The following ABCC1 variants were observed in gnomAD, a reference collection of about 807,000 sequenced individuals.
The protein encoded by ABCC1 is multidrug resistance-associated protein 1.
ABCC1 carries 83 observed loss-of-function variants against 172.9 expected under a neutral mutation model. The observed-to-expected ratio is 0.48, with a 90% CI of 0.40 to 0.58. The LOEUF (loss-of-function observed/expected upper bound fraction) is 0.58, where lower values mean the gene tolerates loss of function less well. ABCC1 is among the 20% of genes least tolerant of loss of function. The pLI, the probability that ABCC1 is intolerant of heterozygous loss-of-function variation, is 0.00. For synonymous variants in ABCC1, 937 were observed against 825.2 expected, an observed-to-expected ratio of 1.14 and a Z score of -2.32; for missense variants, 1,817 against 2,002.7, an observed-to-expected ratio of 0.91 and a Z score of 1.77.
Position 16,090,450 on chromosome 16 carries a change from G to T in ABCC1, c.2506G>T (p.Asp836Tyr). ...CAGCATGAGCTACTTGCCGCAGGTG[G>T]ACGTCATCATCGTCATGAGTGGCGG... is the stretch of plus-strand genomic sequence containing the variant. Reference protein sequence around the residue: ...THSMSYLPQVDVIIVMSGGKI... With the variant: ...THSMSYLPQVYVIIVMSGGKI... Residue 836 changes from aspartate to tyrosine, a missense_variant, in exon 19 of 31, where the codon GAC becomes TAC. Physicochemically the swap from Asp to Tyr is radical, Grantham distance 160 (BLOSUM62 -3). Around this residue, in one of 3 missense-constraint regions of ABCC1, gnomAD observed 1,412 missense variants for 1,600.3 expected, o/e 0.88. Transcript: ENST00000399410. 6.2e-7 allele frequency: 1 copy of T among 1,613,488 alleles called. No homozygotes were observed. Among genetic ancestry groups the T allele is most frequent in the Non-Finnish European group, 8.5e-7 (1 of 1,179,736 alleles).
At chr16:15,951,693 T>G (rs2045877491) in intron 1 of ABCC1, among the ~76,000 whole-genome samples, 2 of 151,634 alleles carry the variant, frequency 1.3e-5, no homozygotes, top group African/African-American at 4.9e-5. Flanking sequence ...TCTTTTTTTT[T>G]TCTTTTTCTT....
intron 1 of ABCC1, among the ~76,000 whole-genome samples, chr16:15,959,430 A>G (rs528407035): frequency 3.3e-5 from 5 of 152,022 alleles, no homozygotes; most frequent in Admixed American, 1.3e-4. Context: ...GGCTGAAGCT[A>G]TCTTCCCACC....
chr16:15,966,557 C>T (rs528898169), intron 1 of ABCC1, among the ~76,000 whole-genome samples: 8 of 151,950 alleles, frequency 5.3e-5, no homozygotes, highest in African/African-American at 1.9e-4. Context: ...TCTGCGAGCC[C>T]TTTGATAAGG....
chr16:16,045,428 C>CAACAACA (rs2049165520), intron 8 of ABCC1, among the ~76,000 whole-genome samples: 1 of 124,958 alleles, frequency 8.0e-6, no homozygotes, highest in Non-Finnish European at 1.7e-5. Context: ...AGAATAAAAA[C>CAACAACA]AACAACAAAA....
intron 14 of ABCC1, among the ~76,000 whole-genome samples, chr16:16,073,924 C>T (rs1389798757): frequency 6.6e-6 from 1 of 152,202 alleles, no homozygotes; most frequent in Non-Finnish European, 1.5e-5. Context: ...CTGTGTCTGG[C>T]ACCTCGCAGG....
At chr16:16,072,341 C>T (rs1009639394) in intron 14 of ABCC1, among the ~76,000 whole-genome samples, 1 of 151,914 alleles carries the variant, frequency 6.6e-6, no homozygotes, top group Admixed American at 6.6e-5. Flanking sequence ...CAGCACCATA[C>T]TTGGATAATA....
intron 1 of ABCC1, among the ~76,000 whole-genome samples, chr16:15,950,329 C>T (rs117656972): frequency 0.013 from 2,035 of 152,070 alleles, 26 homozygotes; most frequent in Admixed American, 0.024. Flanking sequence ...CTGTGGTTAC[C>T]TAGCTTTGTT....
chr16:16,075,964 C>T (rs2050546448), intron 14 of ABCC1, among the ~76,000 whole-genome samples: 1 of 152,134 alleles, frequency 6.6e-6, no homozygotes, highest in African/African-American at 2.4e-5. Flanking sequence ...TCGGCCCTCC[C>T]AGCTGGAGCT....
Position 16,122,064 on chromosome 16 carries a change from G to A in ABCC1, c.3480G>A (p.Leu1160=), listed in dbSNP as rs759641637. The A allele has an allele frequency of 6.2e-7, 1 of 1,614,204 alleles. No individual in the cohort carries two copies. Among genetic ancestry groups the A allele is most frequent in the Non-Finnish European group, 8.5e-7 (1 of 1,180,040 alleles). The part of the protein sequence containing the change: ...PVYSHFNETL[L]GVSVIRAFEE... ...ATTCCCATTTCAACGAGACCTTGCT[G>A]GGGGTCAGCGTCATTCGAGCCTTCG... The change falls in exon 24 of 31, where the codon CTG becomes CTA. Residue 1160 remains leucine (L), a synonymous_variant. Coordinates refer to ENST00000399410, the MANE Select transcript of ABCC1 (RefSeq NM_004996.4).
At chr16:16,109,667 A>C (rs1254768717) in intron 21 of ABCC1, among the ~76,000 whole-genome samples, 1 of 152,196 alleles carries the variant, frequency 6.6e-6, no homozygotes, top group Non-Finnish European at 1.5e-5. Context: ...GCTGGGCTCC[A>C]CAGGGAATAT....
At chr16:16,057,199 GAAAGA>G (rs1295005532) in intron 12 of ABCC1, among the ~76,000 whole-genome samples, 3 of 87,076 alleles carry the variant, frequency 3.4e-5, no homozygotes, top group African/African-American at 5.0e-5. Context: ...AAAAAAAAAA[GAAAGA>G]AAAAAAAAGC....
chr16:16,124,453 C>CTGTGTGTGTGT (rs1596540674), intron 24 of ABCC1, among the ~76,000 whole-genome samples: 1 of 150,082 alleles, frequency 6.7e-6, no homozygotes, highest in Non-Finnish European at 1.5e-5. Context: ...CTACGCCCGG[C>CTGTGTGTGTGT]CTATGTGTAT....
Position 16,048,280 on chromosome 16 carries a change from C to T in ABCC1, c.1357C>T (p.Leu453Phe), listed in dbSNP as rs532663494. ...MIWSAPLQVI[L>F]ALYLLWLNLG... ...CTGGTCAGCCCCCCTGCAAGTCATC[C>T]TTGCTCTCTACCTCCTGTGGCTGGT... The change falls in exon 10 of 31, where the codon CTT (leucine) becomes TTT (phenylalanine). Residue 453 changes from leucine (L) to phenylalanine (F), a missense_variant. Coordinates refer to ENST00000399410, the MANE Select transcript of ABCC1 (RefSeq NM_004996.4). 3.1e-6 allele frequency: 5 copies of T among 1,614,080 alleles called. No homozygotes were observed. The highest frequency in any genetic ancestry group is 2.7e-5 in the African/African-American group (2 of 75,042).
intron 27 of ABCC1, among the ~76,000 whole-genome samples, chr16:16,132,287 G>C (rs149866141): frequency 2.2e-4 from 33 of 151,868 alleles, no homozygotes; most frequent in African/African-American, 6.0e-4. Flanking sequence ...CCTCCCAAGT[G>C]GGGGGACTAC....
intron 7 of ABCC1, among the ~76,000 whole-genome samples, chr16:16,042,274 A>C (rs1428504683): frequency 6.6e-6 from 1 of 151,852 alleles, no homozygotes; most frequent in African/African-American, 2.4e-5. Context: ...ATGTTCATAA[A>C]AGGCTGGTAC....
intron 6 of ABCC1, among the ~76,000 whole-genome samples, chr16:16,033,452 A>T (rs541602883): frequency 5.9e-5 from 9 of 152,180 alleles, no homozygotes; most frequent in Admixed American, 2.0e-4. Flanking sequence ...CTTTTGCTTT[A>T]GCTTCAGATT....
At chr16:16,054,739 TG>T in intron 11 of ABCC1, among the ~76,000 whole-genome samples, 1 of 152,214 alleles carries the variant, frequency 6.6e-6, no homozygotes, top group Non-Finnish European at 1.5e-5. Flanking sequence ...TCTTCCCATC[TG>T]TGACCCGGGG....
Position 16,029,833 on chromosome 16 carries a change from T to G in ABCC1, c.616-3276T>G, listed in dbSNP as rs533310113. 8.5e-5 allele frequency among the ~76,000 whole-genome samples: 13 copies of G among 152,252 alleles called. No homozygotes were observed. The South Asian group carries it at 2.3e-3, about 27-fold the overall frequency. On this transcript the variant is annotated intron_variant, in intron 5 of 30. Coordinates refer to ENST00000399410, the MANE Select transcript of ABCC1 (RefSeq NM_004996.4). ...GAGTTTGAGACCAGCCTGATCAATA[T>G]AGGTAGACCTTGTCTTGACAAAAAA...
At chr16:15,996,371 G>A (rs1189136291) in intron 1 of ABCC1, among the ~76,000 whole-genome samples, 2 of 152,152 alleles carry the variant, frequency 1.3e-5, no homozygotes, top group Non-Finnish European at 2.9e-5. Context: ...CTATCCTCCT[G>A]CCTCTGCCTC....
Sources: allele counts gnomAD v4.1 joint callset (sites outside exome capture counted in the v4.1 genomes callset), GRCh38; gene constraint gnomAD v4.1.1; regional missense constraint gnomAD v4.1.1; transcripts MANE v1.5; gene names NCBI Gene and HGNC (gene_info 2026-07-23, HGNC 2026-07-21).